CASKIN2: variants seen among roughly 807,000 people sequenced by gnomAD.
CASKIN2 encodes caskin-2.
A neutral mutation model predicts 107.1 loss-of-function variants in CASKIN2; 41 were observed. That is an observed-to-expected ratio of 0.38 (90% confidence interval 0.30 to 0.50). The LOEUF is 0.50. Among genes scored for constraint, CASKIN2 ranks in the 20% least tolerant of loss-of-function variants. CASKIN2 has a pLI of 0.92. For synonymous variants in CASKIN2, 724 were observed against 705.6 expected (o/e 1.03, Z -0.41); for missense variants, 1,546 against 1,657.4 (o/e 0.93, Z 1.17).
At chr17:75,511,707 C>A (rs1404208303) in intron 2 of CASKIN2, among the ~76,000 whole-genome samples, 1 of 152,200 alleles carries the variant, frequency 6.6e-6, no homozygotes, top group Non-Finnish European at 1.5e-5. Flanking sequence ...CTACAGCCTG[C>A]GCAGGGTGAA....
Position 75,513,859 on chromosome 17 carries a change from G to A in CASKIN2, c.-55C>T, listed in dbSNP as rs1235856669. 52 of 1,543,486 alleles carry A rather than the reference G, an allele frequency of 3.4e-5. No individual in the cohort carries two copies. The highest frequency in any genetic ancestry group is 4.5e-5 in the East Asian group (2 of 44,476). The stretch of plus-strand genomic sequence containing the variant: ...GGAGTCCAGGGCAAAGGCAGGCAAC[G>A]GGTCCAAGCTGGGGCGTCAGGGCGC... On this transcript the variant is annotated 5_prime_UTR_variant, in exon 2 of 20. Transcript: ENST00000321617.
rs1006140926 is a variant in CASKIN2 at position 75,501,368 on chromosome 17, G to A, written c.3518+100C>T. On this transcript the variant is annotated intron_variant, in intron 19 of 19. Transcript: ENST00000321617. ...CTGGCCTCTTATCCCGTTAGTGCCT[G>A]CAATGTCCCCCTCCAACATCCCCAT... 6 of 1,371,166 alleles carry A rather than the reference G, an allele frequency of 4.4e-6. No individual in the cohort carries two copies. In the Admixed American group the frequency reaches 7.5e-5, roughly 17 times the overall value. The allele number at this position is 1,371,166 out of a possible 1,614,324, so 84.9% of individuals were successfully genotyped here.
rs1242062742 is a variant in CASKIN2 at position 75,505,864 on chromosome 17, G to A, written c.792C>T (p.Phe264=). Residue 264 remains phenylalanine (F), a synonymous_variant, in exon 9 of 20, where the codon TTC becomes TTT. Coordinates refer to ENST00000321617, the MANE Select transcript of CASKIN2 (RefSeq NM_020753.5). The surrounding 1 kb of genome is among the most constrained non-coding windows in gnomAD (Gnocchi z 5.1). ...NQTALDIVNQ[F]TTSQASREIK... is the part of the protein sequence containing the mutation. ...TTTCCCGGCTGGCCTGGGAGGTGGT[G>A]AACTGATTCACTATGTCCAGCGCCG... 1 of 1,613,458 alleles carries A rather than the reference G, an allele frequency of 6.2e-7. No individual in the cohort carries two copies. The highest frequency in any genetic ancestry group is 8.5e-7 in the Non-Finnish European group (1 of 1,179,980).
At chr17:75,511,245 G>A (rs530489758) in intron 2 of CASKIN2, among the ~76,000 whole-genome samples, 10 of 151,840 alleles carry the variant, frequency 6.6e-5, no homozygotes, top group Non-Finnish European at 1.5e-4. Context: ...ATTTTTAGTA[G>A]AGACGGGGCT....
chr17:75,509,229 G>A (rs2053296601), intron 2 of CASKIN2, among the ~76,000 whole-genome samples: 1 of 152,248 alleles, frequency 6.6e-6, no homozygotes, highest in Non-Finnish European at 1.5e-5. Flanking sequence ...CTCTTGAAGT[G>A]CTGGGGAGGG....
chr17:75,509,154 C>G (rs2053295780), intron 2 of CASKIN2, among the ~76,000 whole-genome samples: 1 of 152,232 alleles, frequency 6.6e-6, no homozygotes, highest in African/African-American at 2.4e-5. Context: ...CTGGGGCCAC[C>G]CCCTCTCGGG....
At chr17:75,511,885 G>C (rs943260641) in intron 2 of CASKIN2, among the ~76,000 whole-genome samples, 1 of 150,194 alleles carries the variant, frequency 6.7e-6, no homozygotes, top group Non-Finnish European at 1.5e-5. Flanking sequence ...GACCCAGAGC[G>C]GTGAGGCCAG....
Position 75,502,496 on chromosome 17 carries a change from C to G in CASKIN2, c.2578G>C (p.Ala860Pro). The G allele has an allele frequency of 6.8e-7, 1 of 1,463,334 alleles. No individual in the cohort carries two copies. Among genetic ancestry groups the G allele is most frequent in the Non-Finnish European group, 9.1e-7 (1 of 1,103,108 alleles). The allele number at this position is 1,463,334 out of a possible 1,614,324, so 90.6% of individuals were successfully genotyped here. The change falls in exon 18 of 20, where the codon GCC becomes CCC. Residue 860 changes from alanine to proline, a missense_variant. Ala to Pro is a conservative substitution (Grantham distance 27). Transcript: ENST00000321617. This position sits in a 1 kb window ranked among gnomAD's most constrained non-coding sequence, Gnocchi z 4.3. ...ARGTPRSQSF[A>P]LRARRKGPPP... ...GGGCCTTTGCGCCGGGCCCGCAGGG[C>G]AAAGGACTGGCTGCGAGGAGTCCCC...
In CASKIN2 at chr17:75,502,139, CG is replaced by C; in HGVS notation, c.2934del (p.Gly979AlafsTer141). ...GATTCCGTGAGGTTGAAATCGAGGCCGGGGGGCACGGGTGTCTCTCGGGGCG... is the reference window on the plus strand; with the variant it reads ...GATTCCGTGAGGTTGAAATCGAGGCCGGGGGCACGGGTGTCTCTCGGGGCG... ...GPPPRETPVP[P>X]GLDFNLTESD... On this transcript the variant is annotated frameshift_variant, in exon 18 of 20. Transcript: ENST00000321617. LOFTEE classifies it high-confidence loss of function. This position sits in a 1 kb window ranked among gnomAD's most constrained non-coding sequence, Gnocchi z 4.3. The C allele has an allele frequency of 1.2e-6, 2 of 1,601,016 alleles. No individual in the cohort carries two copies.
rs1445624611 is a variant in CASKIN2, at chr17:75,500,625, G to A, written c.*455C>T. ...ATTTACATGTCCTCTGTACACCTAC[G>A]GAGAGGGGGCCCGGCCAGACACACG... On this transcript the variant is annotated 3_prime_UTR_variant, in exon 20 of 20. Coordinates refer to ENST00000321617, the MANE Select transcript of CASKIN2 (RefSeq NM_020753.5). 6.0e-5 allele frequency: 13 copies of A among 216,390 alleles called. No individual in the cohort carries two copies. In the South Asian group the frequency reaches 6.6e-4, roughly 11 times the overall value. The allele number at this position is 216,390 out of a possible 1,614,324, so 13.4% of individuals were successfully genotyped here.
At position 75,513,911 on chromosome 17, in the gene CASKIN2, C is replaced by A; in HGVS notation, c.-107G>T. On this transcript the variant is annotated 5_prime_UTR_variant, in exon 2 of 20. Transcript: ENST00000321617. ...ATGCCACAGCCCCTTGGAGGGCTCCCGGTTCCGGGGGAGCAAGTCAGGTGT... is the reference window on the plus strand; with the variant it reads ...ATGCCACAGCCCCTTGGAGGGCTCCAGGTTCCGGGGGAGCAAGTCAGGTGT... 3 of 977,962 alleles carry A rather than the reference C, an allele frequency of 3.1e-6. No homozygotes were observed. The highest frequency in any genetic ancestry group is 2.5e-5 in the East Asian group (1 of 39,654). The allele number at this position is 977,962 out of a possible 1,614,324, so 60.6% of individuals were successfully genotyped here.
intron 2 of CASKIN2, among the ~76,000 whole-genome samples, chr17:75,510,091 G>A (rs1309727401): frequency 1.3e-5 from 2 of 152,212 alleles, no homozygotes; most frequent in Non-Finnish European, 2.9e-5. Context: ...CTGGCGCTGG[G>A]GGTGGAAGGG....
At chr17:75,509,227 G>C (rs1190490244) in intron 2 of CASKIN2, among the ~76,000 whole-genome samples, 2 of 152,260 alleles carry the variant, frequency 1.3e-5, no homozygotes, top group Non-Finnish European at 2.9e-5. Flanking sequence ...GGCTCTTGAA[G>C]TGCTGGGGAG....
At chr17:75,509,958 G>A (rs965381606) in intron 2 of CASKIN2, 46 of 983,058 alleles carry the variant, frequency 4.7e-5, no homozygotes, top group Non-Finnish European at 5.6e-5. Context: ...AACAATAGCC[G>A]GAAAGGCGGT....
intron 1 of CASKIN2, among the ~76,000 whole-genome samples, chr17:75,514,895 C>T (rs2053344218): frequency 6.6e-6 from 1 of 151,884 alleles, no homozygotes; most frequent in Admixed American, 6.6e-5. Context: ...GGCTCCCAAG[C>T]CCCCCAAGCC....
In CASKIN2 at chr17:75,504,480, G is replaced by A; in HGVS notation, c.1315C>T (p.Pro439Ser). 6.2e-7 allele frequency: 1 copy of A among 1,605,512 alleles called. No homozygotes were observed. The highest frequency in any genetic ancestry group is 8.5e-7 in the Non-Finnish European group (1 of 1,173,978). ...TGGTCCTCTCCAGCAGAGGGCAGTGGCTGGAGGAGACAGGGCAGGAGCCAA... is the reference window on the plus strand; with the variant it reads ...TGGTCCTCTCCAGCAGAGGGCAGTGACTGGAGGAGACAGGGCAGGAGCCAA... ...GPGLLIENAQ[P>S]LPSAGEDQVL... The change falls in exon 13 of 20, where the codon CCA becomes TCA. Residue 439 changes from proline to serine, a missense_variant and splice_region_variant. This residue lies in a region of CASKIN2 where 1,311 missense variants were observed against 1,311.0 expected (regional missense o/e 1.00). Transcript: ENST00000321617.
At position 75,511,312 on chromosome 17, in the gene CASKIN2, C is replaced by T. The variant is rs150469193; in HGVS notation, c.94+2399G>A. On this transcript the variant is annotated intron_variant, in intron 2 of 19. Coordinates refer to ENST00000321617, the MANE Select transcript of CASKIN2 (RefSeq NM_020753.5). Reference sequence around the variant, plus strand: ...CTGACGTCAAGTGATCTGCCCACCTCGGCCTCCCAAAGTGAGACCCTATCT... The same window carrying T: ...CTGACGTCAAGTGATCTGCCCACCTTGGCCTCCCAAAGTGAGACCCTATCT... Among the ~76,000 whole-genome samples, 111 of 152,120 alleles carry T rather than the reference C, an allele frequency of 7.3e-4. 3 individuals carry two copies. Among genetic ancestry groups the T allele is most frequent in the African/African-American group, 2.2e-3 (93 of 41,484 alleles).
In CASKIN2 at chr17:75,504,495, G is replaced by A. The variant is rs1172028386; in HGVS notation, c.1315-15C>T. On this transcript the variant is annotated splice_polypyrimidine_tract_variant and intron_variant, in intron 12 of 19. Transcript: ENST00000321617. ...GAGGGCAGTGGCTGGAGGAGACAGG[G>A]CAGGAGCCAACTCAGCATTTGGGGA... 23 of 1,600,310 alleles carry A rather than the reference G, an allele frequency of 1.4e-5. No homozygotes were observed. The highest frequency in any genetic ancestry group is 2.0e-5 in the Non-Finnish European group (23 of 1,169,828).
Position 75,503,485 on chromosome 17 carries a change from A to G in CASKIN2, c.1723T>C (p.Tyr575His). ...EWLCALGLPQYHKQLVSSGYD... is the reference protein window; with the variant it reads ...EWLCALGLPQHHKQLVSSGYD... ...CCGCTGCTCACCAGCTGCTTGTGGT[A>G]CTGTGGCAGCCCCAGTGCACACAGC... Residue 575 changes from tyrosine to histidine, a missense_variant, in exon 17 of 20, where the codon TAC becomes CAC. Transcript: ENST00000321617. The G allele has an allele frequency of 6.2e-7, 1 of 1,612,360 alleles. No homozygotes were observed. Among genetic ancestry groups the G allele is most frequent in the Non-Finnish European group, 8.5e-7 (1 of 1,179,864 alleles).
Sources: gnomAD v4.1 joint callset for allele counts (sites outside exome capture counted in the v4.1 genomes callset) on GRCh38, gnomAD v4.1.1 for gene constraint, gnomAD v4.1.1 regional missense constraint, Gnocchi (gnomAD v3.1) non-coding constraint, MANE v1.5 for transcripts, NCBI Gene and HGNC (gene_info 2026-07-23, HGNC 2026-07-21) for gene names.